The following SLC24A3 variants were observed in gnomAD, a reference collection of about 807,000 sequenced individuals.
SLC24A3 encodes solute carrier family 24 member 3, also known as sodium/potassium/calcium exchanger 3.
In SLC24A3, 28 loss-of-function variants were observed where a neutral mutation model predicts 75.8. The observed-to-expected ratio is 0.37, with a 90% CI of 0.27 to 0.51. The LOEUF is 0.51. SLC24A3 is among the 20% of genes least tolerant of loss of function. The probability of loss-of-function intolerance (pLI) is 0.94; values close to 1 mark genes in which losing one functional copy is unlikely to be tolerated. For missense variants in SLC24A3, 663 were observed against 847.8 expected (o/e 0.78, Z 2.71); for synonymous variants, 372 against 334.1 (o/e 1.11, Z -1.24).
At chr20:19,243,954 A>G (rs1982408890) in intron 1 of SLC24A3, 1 of 152,172 alleles carries the variant, frequency 6.6e-6, no homozygotes, top group African/African-American at 2.4e-5. Flanking sequence ...GGAGGTTTCC[A>G]CCTGAATGTT....
intron 6 of SLC24A3, among the ~76,000 whole-genome samples, chr20:19,593,123 C>A (rs2031402856): frequency 6.6e-6 from 1 of 152,154 alleles, no homozygotes; most frequent in African/African-American, 2.4e-5. Flanking sequence ...TACAAGTTGC[C>A]CAGAGTCTTA....
intron 2 of SLC24A3, among the ~76,000 whole-genome samples, chr20:19,467,793 A>G (rs986924059): frequency 6.6e-6 from 1 of 151,798 alleles, no homozygotes; most frequent in Non-Finnish European, 1.5e-5. Flanking sequence ...AGGAACGAGA[A>G]TAGCTTGAAC....
At chr20:19,314,606 C>T (rs1215472506) in intron 2 of SLC24A3, among the ~76,000 whole-genome samples, 3 of 152,190 alleles carry the variant, frequency 2.0e-5, no homozygotes, top group Non-Finnish European at 4.4e-5. Context: ...TGAGCTACTG[C>T]GCCCTGCCTT....
chr20:19,236,731 G>A (rs1433580826), intron 1 of SLC24A3, among the ~76,000 whole-genome samples: 2 of 152,140 alleles, frequency 1.3e-5, no homozygotes, highest in African/African-American at 4.8e-5. Flanking sequence ...ACTCCAGCCT[G>A]GGTGACAAAG....
At chr20:19,524,135 C>G (rs2030154329) in intron 3 of SLC24A3, among the ~76,000 whole-genome samples, 1 of 152,176 alleles carries the variant, frequency 6.6e-6, no homozygotes, top group South Asian at 2.1e-4. Context: ...CAGTGCCCCA[C>G]TTGGTAACAC....
At chr20:19,296,804 A>G (rs1212048670) in intron 2 of SLC24A3, among the ~76,000 whole-genome samples, 1 of 152,222 alleles carries the variant, frequency 6.6e-6, no homozygotes, top group East Asian at 1.9e-4. Context: ...TTCTTCTTGG[A>G]GCCACGTGGC....
chr20:19,351,612 C>T (rs1043349341), intron 2 of SLC24A3, among the ~76,000 whole-genome samples: 1 of 152,144 alleles, frequency 6.6e-6, no homozygotes, highest in Non-Finnish European at 1.5e-5. Context: ...TCCCAGCCTC[C>T]CCTAGGACTC....
intron 2 of SLC24A3, among the ~76,000 whole-genome samples, chr20:19,432,161 A>G (rs976483276): frequency 1.6e-4 from 24 of 151,998 alleles, no homozygotes; most frequent in Admixed American, 1.1e-3. Context: ...CAGCATGTCA[A>G]TGCAAACATA....
intron 1 of SLC24A3, among the ~76,000 whole-genome samples, chr20:19,227,500 C>T (rs902970865): frequency 1.3e-5 from 2 of 151,720 alleles, no homozygotes; most frequent in South Asian, 2.1e-4. Flanking sequence ...TCTTAGTCAA[C>T]GTATTTATTC....
chr20:19,455,878 T>C (rs1987569817), intron 2 of SLC24A3, among the ~76,000 whole-genome samples: 1 of 152,226 alleles, frequency 6.6e-6, no homozygotes, highest in South Asian at 2.1e-4. Context: ...AAATTATAAG[T>C]GTCAGTATAA....
intron 1 of SLC24A3, among the ~76,000 whole-genome samples, chr20:19,269,811 G>A (rs1983271563): frequency 6.6e-6 from 1 of 152,168 alleles, no homozygotes; most frequent in African/African-American, 2.4e-5. Context: ...TATAGTATTT[G>A]CTCCTGAGGC....
At chr20:19,279,091 G>A (rs1396888403) in intron 1 of SLC24A3, among the ~76,000 whole-genome samples, 16 of 152,212 alleles carry the variant, frequency 1.1e-4, no homozygotes, top group African/African-American at 3.4e-4. Context: ...TTTCTTGAGC[G>A]GTGTTGTGAG....
chr20:19,391,231 T>G (rs1986359284), intron 2 of SLC24A3, among the ~76,000 whole-genome samples: 1 of 152,216 alleles, frequency 6.6e-6, no homozygotes, highest in Non-Finnish European at 1.5e-5. Context: ...GAATTCTCTT[T>G]TTTTATTTCC....
intron 2 of SLC24A3, among the ~76,000 whole-genome samples, chr20:19,342,185 G>A (rs1352243634): frequency 6.6e-6 from 1 of 152,206 alleles, no homozygotes; most frequent in Non-Finnish European, 1.5e-5. Flanking sequence ...ATTTCCTAAT[G>A]CAATGCCCTA....
chr20:19,587,146 C>T (rs148619795), intron 6 of SLC24A3, among the ~76,000 whole-genome samples: 1 of 152,284 alleles, frequency 6.6e-6, no homozygotes, highest in Non-Finnish European at 1.5e-5. Context: ...ATTAGTCTGG[C>T]TGTTATTAGT....
chr20:19,360,761 G>A (rs1985771056), intron 2 of SLC24A3, among the ~76,000 whole-genome samples: 1 of 152,178 alleles, frequency 6.6e-6, no homozygotes, highest in African/African-American at 2.4e-5. Context: ...CCAAAAGGTT[G>A]AGTGAGCCAT....
chr20:19,690,044 A>T lies in SLC24A3; in HGVS notation c.1325-3215A>T, dbSNP rs1344568560. On this transcript the variant is annotated intron_variant, in intron 12 of 16. Coordinates refer to ENST00000328041, the MANE Select transcript of SLC24A3 (RefSeq NM_020689.4). ...AGACTCTGTCTCAAAAAAAAAAAAA[A>T]AAAAAAAGGAAAATTAAGACCAGCT... Among the ~76,000 whole-genome samples the T allele has an allele frequency of 2.0e-5, 3 of 151,652 alleles. No individual in the cohort carries two copies. In the East Asian group the frequency reaches 5.8e-4, roughly 29 times the overall value.
At chr20:19,648,582 A>G (rs540065570) in intron 6 of SLC24A3, among the ~76,000 whole-genome samples, 2 of 150,588 alleles carry the variant, frequency 1.3e-5, no homozygotes, top group South Asian at 4.2e-4. Context: ...CAGATACGCA[A>G]TCTATCTTCA....
chr20:19,602,854 G>A (rs1188747463), intron 6 of SLC24A3, among the ~76,000 whole-genome samples: 2 of 152,184 alleles, frequency 1.3e-5, no homozygotes, highest in South Asian at 4.1e-4. Context: ...GTGGGGAGTT[G>A]AAAGCCAGCC....
Sources: gnomAD v4.1 joint callset for allele counts (sites outside exome capture counted in the v4.1 genomes callset) on GRCh38, gnomAD v4.1.1 for gene constraint, MANE v1.5 for transcripts, NCBI Gene and HGNC (gene_info 2026-07-23, HGNC 2026-07-21) for gene names.